UHMK1: variants seen among roughly 807,000 people sequenced by gnomAD.
UHMK1 encodes U2AF homology motif kinase 1.
Under a neutral mutation model 44.0 loss-of-function variants are expected in UHMK1, and 18 were observed. The ratio of observed to expected loss-of-function variants is 0.41; its 90% CI spans 0.28 to 0.61. The LOEUF is 0.61. UHMK1 is among the 20% of genes least tolerant of loss of function. UHMK1 has a pLI of 0.31. For missense variants in UHMK1, 463 were observed against 522.5 expected (o/e 0.89, Z 1.11); for synonymous variants, 231 against 198.5 (o/e 1.16, Z -1.38).
chr1:162,497,883 G>A lies in UHMK1; in HGVS notation c.-118G>A. On this transcript the variant is annotated 5_prime_UTR_variant, in exon 1 of 8. Transcript: ENST00000489294. ...TGAAGTCCCGGGAGTCGGTGAGGCG[G>A]CTGCAGGTCCCTCCCTGCGGAGCCG... is the stretch of plus-strand genomic sequence containing the variant. The A allele has an allele frequency of 2.8e-6, 4 of 1,405,440 alleles. No individual in the cohort carries two copies. Among genetic ancestry groups the A allele is most frequent in the Admixed American group, 3.1e-5 (1 of 32,208 alleles). The allele number at this position is 1,405,440 out of a possible 1,614,324, so 87.1% of individuals were successfully genotyped here.
chr1:162,516,029 G>C (rs1299270669), intron 6 of UHMK1, among the ~76,000 whole-genome samples: 1 of 149,588 alleles, frequency 6.7e-6, no homozygotes, highest in Non-Finnish European at 1.5e-5. Flanking sequence ...GCGAGACTCC[G>C]TCTCAAAAAA....
At chr1:162,521,390 T>G (rs1468333487) in intron 7 of UHMK1, among the ~76,000 whole-genome samples, 3 of 152,070 alleles carry the variant, frequency 2.0e-5, no homozygotes, top group Non-Finnish European at 4.4e-5. Context: ...CTTTGCTCTA[T>G]AGGTTTGGGC....
chr1:162,527,180 G>A lies in UHMK1; in HGVS notation c.*4630G>A, dbSNP rs1318156153. On this transcript the variant is annotated 3_prime_UTR_variant, in exon 8 of 8. Transcript: ENST00000489294. ...AAGATTTTGTTTCATTTTGTTTTAG[G>A]ATAGCTTCTCTGCCTAATACTATAG... The A allele has an allele frequency of 6.6e-6, 1 of 151,946 alleles. No homozygotes were observed. The highest frequency in any genetic ancestry group is 1.5e-5 in the Non-Finnish European group (1 of 67,916). 9.4% of individuals were successfully genotyped at this position (151,946 alleles called of 1,614,324 possible). A position where few individuals can be genotyped will look rare whatever the true frequency, so the allele number is the denominator to read the frequency against.
At chr1:162,510,857 TA>T (rs1407764851) in intron 4 of UHMK1, among the ~76,000 whole-genome samples, 1 of 152,138 alleles carries the variant, frequency 6.6e-6, no homozygotes, top group African/African-American at 2.4e-5. Flanking sequence ...AGTTCTTTTT[TA>T]AAAATTTTTT....
intron 2 of UHMK1, 106 bp downstream of exon 2, chr1:162,500,353 A>G: frequency 1.5e-6 from 2 of 1,303,948 alleles, no homozygotes; most frequent in Non-Finnish European, 2.1e-6. Context: ...AAGTCATTTT[A>G]ACCTAAATTA....
chr1:162,498,413 C>T (rs1010070235), intron 1 of UHMK1, 145 bp downstream of exon 1: 1 of 1,034,226 alleles, frequency 9.7e-7, no homozygotes, highest in Non-Finnish European at 1.4e-6. Flanking sequence ...GGCCCCTTTC[C>T]CCTTTCACTT....
intron 4 of UHMK1, among the ~76,000 whole-genome samples, chr1:162,508,130 G>A (rs1651543796): frequency 6.6e-6 from 1 of 151,300 alleles, no homozygotes; most frequent in Non-Finnish European, 1.5e-5. Context: ...TGCAGGGGGA[G>A]GAGAAGACAA....
chr1:162,514,173 C>A (rs1651760205), intron 6 of UHMK1, among the ~76,000 whole-genome samples: 1 of 151,998 alleles, frequency 6.6e-6, no homozygotes, highest in Non-Finnish European at 1.5e-5. Flanking sequence ...CCTATAATCC[C>A]AGCTGCTCGG....
rs1435337492 is a variant in UHMK1 at position 162,527,936 on chromosome 1, T to C, written c.*5386T>C. ...AAAACTGGAATTGTTTGTATTTTGT[T>C]TTTTTGGGGGGGGATCTTTATGTGA... On this transcript the variant is annotated 3_prime_UTR_variant, in exon 8 of 8. Coordinates refer to ENST00000489294, the MANE Select transcript of UHMK1 (RefSeq NM_175866.5). The C allele has an allele frequency of 6.6e-6, 1 of 151,070 alleles. No homozygotes were observed. The highest frequency in any genetic ancestry group is 1.5e-5 in the Non-Finnish European group (1 of 67,712). 9.4% of individuals were successfully genotyped at this position (151,070 alleles called of 1,614,324 possible).
intron 7 of UHMK1, among the ~76,000 whole-genome samples, chr1:162,519,570 G>A (rs779063323): frequency 3.3e-5 from 5 of 152,174 alleles, no homozygotes; most frequent in Non-Finnish European, 7.3e-5. Flanking sequence ...TCTTTAAAAT[G>A]TGTGGGCTAA....
Position 162,522,968 on chromosome 1 carries a change from T to C in UHMK1, c.*418T>C, listed in dbSNP as rs191090347. ...ATGTTGTCCAGTGGTTCTTCCTTATTGTTGATATCCATAAGCTGGCACTGG... is the reference window on the plus strand; with the variant it reads ...ATGTTGTCCAGTGGTTCTTCCTTATCGTTGATATCCATAAGCTGGCACTGG... On this transcript the variant is annotated 3_prime_UTR_variant, in exon 8 of 8. Transcript: ENST00000489294. The C allele has an allele frequency of 8.0e-5, 13 of 162,158 alleles. No individual in the cohort carries two copies. The highest frequency in any genetic ancestry group is 3.1e-4 in the African/African-American group (13 of 41,654). The allele number at this position is 162,158 out of a possible 1,614,324, so 10.0% of individuals were successfully genotyped here.
intron 4 of UHMK1, among the ~76,000 whole-genome samples, chr1:162,509,702 C>A (rs1651601581): frequency 6.6e-6 from 1 of 152,150 alleles, no homozygotes; most frequent in Non-Finnish European, 1.5e-5. Context: ...AGTGCAGTGG[C>A]ACGATCTCGG....
chr1:162,503,691 A>G, intron 3 of UHMK1, 63 bp from the exon 4 acceptor site: 1 of 1,121,288 alleles, frequency 8.9e-7, no homozygotes, highest in Non-Finnish European at 1.3e-6. Flanking sequence ...ATAGTGCTAT[A>G]TGCCTAGTAT....
Position 162,525,896 on chromosome 1 carries a change from T to A in UHMK1, c.*3346T>A, listed in dbSNP as rs1466580742. On this transcript the variant is annotated 3_prime_UTR_variant, in exon 8 of 8. Coordinates refer to ENST00000489294, the MANE Select transcript of UHMK1 (RefSeq NM_175866.5). ...CCAGCTGCTAAAGAGTGCTGAGATA[T>A]GTTAAATTATTTTTTAAAAGAAAAT... 3 of 152,198 alleles carry A rather than the reference T, an allele frequency of 2.0e-5. No homozygotes were observed. The highest frequency in any genetic ancestry group is 2.0e-4 in the Admixed American group (3 of 15,266). 9.4% of individuals were successfully genotyped at this position (152,198 alleles called of 1,614,324 possible).
rs115392847 is a variant in UHMK1 at position 162,502,477 on chromosome 1, A to G, written c.754-1277A>G. 8.0e-3 allele frequency among the ~76,000 whole-genome samples: 1,216 copies of G among 152,308 alleles called. 29 individuals carry two copies. The highest frequency in any genetic ancestry group is 0.028 in the African/African-American group (1,159 of 41,548). ...TTATTATTGATATCCCAAACAATCAAGAGTCTTACGTATTCTTTCTTGGTG... is the reference window on the plus strand; with the variant it reads ...TTATTATTGATATCCCAAACAATCAGGAGTCTTACGTATTCTTTCTTGGTG... On this transcript the variant is annotated intron_variant, in intron 3 of 7. Coordinates refer to ENST00000489294, the MANE Select transcript of UHMK1 (RefSeq NM_175866.5).
chr1:162,497,600 G>A (rs1211514243), upstream of UHMK1, among the ~76,000 whole-genome samples: 1 of 152,038 alleles, frequency 6.6e-6, no homozygotes, highest in Non-Finnish European at 1.5e-5. Context: ...GGTAAGGTGA[G>A]GTGCCTCAAC....
chr1:162,510,438 A>G (rs1462872995), intron 4 of UHMK1, among the ~76,000 whole-genome samples: 3 of 152,062 alleles, frequency 2.0e-5, no homozygotes, highest in Non-Finnish European at 4.4e-5. Flanking sequence ...TGTGACATCA[A>G]CACTTTTTAG....
chr1:162,516,148 G>A (rs887948718), intron 6 of UHMK1, among the ~76,000 whole-genome samples: 3 of 151,938 alleles, frequency 2.0e-5, no homozygotes, highest in African/African-American at 7.2e-5. Flanking sequence ...TTAAATACAC[G>A]GAGTCTTTAA....
At chr1:162,501,967 T>A (rs1651284864) in intron 3 of UHMK1, among the ~76,000 whole-genome samples, 1 of 151,862 alleles carries the variant, frequency 6.6e-6, no homozygotes, top group Non-Finnish European at 1.5e-5. Flanking sequence ...ATTTTAATAC[T>A]TGTTTAATAT....
Sources: allele counts gnomAD v4.1 joint callset (sites outside exome capture counted in the v4.1 genomes callset), GRCh38; gene constraint gnomAD v4.1.1; transcripts MANE v1.5; gene names NCBI Gene and HGNC (gene_info 2026-07-23, HGNC 2026-07-21).